SPAG17: variants seen among roughly 807,000 people sequenced by gnomAD.
SPAG17 encodes sperm associated antigen 17.
Under a neutral mutation model 273.6 loss-of-function variants are expected in SPAG17, and 169 were observed. The observed-to-expected ratio is 0.62, with a 90% CI of 0.55 to 0.70. The LOEUF (loss-of-function observed/expected upper bound fraction) is 0.70. Ranked by LOEUF, SPAG17 falls within the 30% of genes least tolerant of loss-of-function variation. The probability of loss-of-function intolerance (pLI) is 0.00; values close to 1 mark genes in which losing one functional copy is unlikely to be tolerated. For missense variants in SPAG17, 2,557 were observed against 2,627.8 expected, an observed-to-expected ratio of 0.97 and a Z score of 0.59; for synonymous variants, 825 against 873.2, an observed-to-expected ratio of 0.94 and a Z score of 0.97.
intron 3 of SPAG17, among the ~76,000 whole-genome samples, chr1:118,148,401 T>G (rs558880755): frequency 6.6e-6 from 1 of 152,222 alleles, no homozygotes; most frequent in Admixed American, 6.5e-5. Flanking sequence ...ACGAACCTGC[T>G]GCAAGGTGCT....
Position 118,156,905 on chromosome 1 carries a change from G to C in SPAG17, c.88-5536C>G, listed in dbSNP as rs147402600. ...GGGAGGCAGACTGAAGCAGCACACAGTGTGTGCTGTCATGTTCCATAATCT... is the reference window on the plus strand; with the variant it reads ...GGGAGGCAGACTGAAGCAGCACACACTGTGTGCTGTCATGTTCCATAATCT... On this transcript the variant is annotated intron_variant, in intron 1 of 48. Transcript: ENST00000336338. Among the ~76,000 whole-genome samples, 190 of 152,138 alleles carry C rather than the reference G, an allele frequency of 1.2e-3. 1 individual carries two copies. The highest frequency in any genetic ancestry group is 4.4e-3 in the African/African-American group (184 of 41,498).
In SPAG17 at chr1:118,013,102, C is replaced by T. The variant is rs145796372; in HGVS notation, c.4288-730G>A. ...TATATGTCTCTATTAAAATCTTGCA[C>T]TTGGGACTTCACCTCAGTGTTTGCT... On this transcript the variant is annotated intron_variant, in intron 29 of 48. Transcript: ENST00000336338. Among the ~76,000 whole-genome samples, 670 of 152,330 alleles carry T rather than the reference C, an allele frequency of 4.4e-3. 6 individuals carry two copies. The highest frequency in any genetic ancestry group is 0.016 in the African/African-American group (646 of 41,576).
At chr1:117,992,392 G>A in intron 36 of SPAG17, 74 bp downstream of exon 36, 1 of 1,405,378 alleles carries the variant, frequency 7.1e-7, no homozygotes, top group Non-Finnish European at 9.6e-7. Context: ...ATAATTTCAG[G>A]TTTCTTAGGA....
At position 118,031,830 on chromosome 1, in the gene SPAG17, G is replaced by A. The variant is rs908478009; in HGVS notation, c.3471C>T (p.Ile1157=). ...CCACTGTTGGAGTGAGTGCTGAAGG[G>A]ATATTCAATATTGTTTCTAAATCAG... ...KDPDLETILN[I]PSALTPTVVP... Residue 1157 remains isoleucine, a synonymous_variant, in exon 25 of 49, where the codon ATC becomes ATT. Coordinates refer to ENST00000336338, the MANE Select transcript of SPAG17 (RefSeq NM_206996.4). 2 of 1,609,436 alleles carry A rather than the reference G, an allele frequency of 1.2e-6. No homozygotes were observed. Among genetic ancestry groups the A allele is most frequent in the Non-Finnish European group, 1.7e-6 (2 of 1,177,484 alleles).
chr1:118,019,849 T>C (rs1229027873), intron 28 of SPAG17, among the ~76,000 whole-genome samples: 1 of 152,232 alleles, frequency 6.6e-6, no homozygotes, highest in Non-Finnish European at 1.5e-5. Flanking sequence ...GCTAGAATTA[T>C]ATACCTCGTG....
At chr1:118,053,177 C>A (rs1205687229) in intron 20 of SPAG17, among the ~76,000 whole-genome samples, 2 of 152,030 alleles carry the variant, frequency 1.3e-5, no homozygotes, top group South Asian at 4.1e-4. Context: ...AGTCTCAAAA[C>A]AAATAGTTTA....
chr1:118,139,128 T>A (rs1658523035), intron 3 of SPAG17, among the ~76,000 whole-genome samples: 1 of 149,976 alleles, frequency 6.7e-6, no homozygotes, highest in South Asian at 2.1e-4. Flanking sequence ...AGAAAAAAAA[T>A]TTAAAAAAAA....
chr1:118,154,352 G>A (rs1321506128), intron 1 of SPAG17, among the ~76,000 whole-genome samples: 4 of 152,302 alleles, frequency 2.6e-5, no homozygotes, highest in African/African-American at 9.6e-5. Flanking sequence ...ACAGGGACCA[G>A]TCAGACAATA....
chr1:118,133,513 T>G (rs1658171919), intron 3 of SPAG17, among the ~76,000 whole-genome samples: 1 of 151,996 alleles, frequency 6.6e-6, no homozygotes. Context: ...AACAAACTCT[T>G]TAGGTGATTT....
At chr1:118,033,631 C>T (rs142388617) in intron 24 of SPAG17, among the ~76,000 whole-genome samples, 51 of 152,318 alleles carry the variant, frequency 3.3e-4, no homozygotes, top group African/African-American at 1.2e-3. Flanking sequence ...TGTCACCTCC[C>T]TTACTTAAAG....
chr1:117,973,794 C>T (rs910904944), intron 43 of SPAG17, among the ~76,000 whole-genome samples: 9 of 152,122 alleles, frequency 5.9e-5, no homozygotes, highest in Non-Finnish European at 1.2e-4. Flanking sequence ...ACATAGTATG[C>T]GATAGGACAT....
intron 43 of SPAG17, among the ~76,000 whole-genome samples, chr1:117,976,242 TG>T (rs901881420): frequency 3.0e-4 from 45 of 152,296 alleles, no homozygotes; most frequent in African/African-American, 1.1e-3. Context: ...CTTGGAGCAG[TG>T]GCTGATTACC....
rs768558264 is a variant in SPAG17, at chr1:117,990,945, C to T, written c.5476-39G>A. 7.7e-6 allele frequency: 9 copies of T among 1,174,158 alleles called. No individual in the cohort carries two copies. The African/African-American group carries it at 7.9e-5, about 10-fold the overall frequency. 72.7% of individuals were successfully genotyped at this position (1,174,158 alleles called of 1,614,324 possible). A position where few individuals can be genotyped will look rare whatever the true frequency, so the allele number is the denominator to read the frequency against. ...AGAATTACTTATGATGATTATATTA[C>T]TTACAAGACTTACTTTGTTTAGAAA... On this transcript the variant is annotated intron_variant, in intron 37 of 48. Transcript: ENST00000336338.
chr1:117,954,764 G>A, intron 48 of SPAG17: 2 of 926,028 alleles, frequency 2.2e-6, no homozygotes, highest in Non-Finnish European at 3.2e-6. Flanking sequence ...TTGAATCTTG[G>A]CATTCTCTAG....
chr1:118,074,152 T>A (rs1212122169), intron 16 of SPAG17, among the ~76,000 whole-genome samples, 185 bp from the exon 17 acceptor site: 4 of 152,162 alleles, frequency 2.6e-5, no homozygotes, highest in Non-Finnish European at 5.9e-5. Context: ...ACTTTTTTTT[T>A]TATGGGCAAC....
intron 32 of SPAG17, among the ~76,000 whole-genome samples, chr1:118,004,591 G>A (rs1051584054): frequency 5.9e-5 from 9 of 152,262 alleles, no homozygotes; most frequent in Non-Finnish European, 1.5e-5. Flanking sequence ...CAGTCAGCAA[G>A]GCTCCTTGGG....
Position 117,964,053 on chromosome 1 carries a change from G to C in SPAG17, c.6533-115C>G, listed in dbSNP as rs1557839724. ...CTCTGGCAACATCAGTTCAATTTTAGGTAACTGTCTATCCAATGCAAATTC... is the reference window on the plus strand; with the variant it reads ...CTCTGGCAACATCAGTTCAATTTTACGTAACTGTCTATCCAATGCAAATTC... On this transcript the variant is annotated intron_variant, in intron 47 of 48. Transcript: ENST00000336338. 3.3e-6 allele frequency: 4 copies of C among 1,216,330 alleles called. No homozygotes were observed. The East Asian group carries it at 9.6e-5, about 29-fold the overall frequency. 75.3% of individuals were successfully genotyped at this position (1,216,330 alleles called of 1,614,324 possible). A position where few individuals can be genotyped will look rare whatever the true frequency, so the allele number is the denominator to read the frequency against.
intron 8 of SPAG17, among the ~76,000 whole-genome samples, chr1:118,092,418 C>T (rs1655437216): frequency 6.6e-6 from 1 of 152,208 alleles, no homozygotes; most frequent in Non-Finnish European, 1.5e-5. Flanking sequence ...GCTCCTGCCT[C>T]TCCAGGTTTA....
intron 28 of SPAG17, 138 bp from the exon 29 acceptor site, chr1:118,016,320 A>G: frequency 1.5e-6 from 1 of 678,138 alleles, no homozygotes; most frequent in Non-Finnish European, 2.5e-6. Context: ...TTCATCAATT[A>G]TATTATTTCT....
Sources: gnomAD v4.1 joint callset for allele counts (sites outside exome capture counted in the v4.1 genomes callset) on GRCh38, gnomAD v4.1.1 for gene constraint, MANE v1.5 for transcripts, NCBI Gene and HGNC (gene_info 2026-07-23, HGNC 2026-07-21) for gene names.